FYB1: variants seen among roughly 807,000 people sequenced by gnomAD.
The protein encoded by FYB1 is FYN-binding protein 1.
Under a neutral mutation model 94.1 loss-of-function variants are expected in FYB1, and 41 were observed. That is an observed-to-expected ratio of 0.44 (90% CI 0.34 to 0.57). The LOEUF is 0.57. FYB1 is among the 20% of genes least tolerant of loss of function. FYB1 has a pLI of 0.02. For synonymous variants in FYB1, 367 were observed against 353.2 expected (o/e 1.04, Z -0.44); for missense variants, 1,050 against 976.8 (o/e 1.07, Z -1.00).
chr5:39,226,850 G>C (rs1750492892), intron 1 of FYB1, among the ~76,000 whole-genome samples: 1 of 152,186 alleles, frequency 6.6e-6, no homozygotes, highest in African/African-American at 2.4e-5. Context: ...ATCATTCTTA[G>C]AGTTTAGTGC....
chr5:39,202,448 G>C lies in FYB1; in HGVS notation c.513C>G (p.Pro171=). Residue 171 remains proline, a synonymous_variant, in exon 2 of 19, where the codon CCC becomes CCG. Coordinates refer to ENST00000512982, the MANE Select transcript of FYB1 (RefSeq NM_001465.6). ...ATTTCCCTTTAACCCCAGTCAATTT[G>C]GGAAACGCTTGCTTCTGTTCATTTT... ...TSENEQKQAF[P]KLTGVKGKFM... 6.2e-7 allele frequency: 1 copy of C among 1,613,836 alleles called. No homozygotes were observed.
chr5:39,185,613 T>TATATATACACAC (rs1554034801), intron 2 of FYB1, among the ~76,000 whole-genome samples: 3 of 145,940 alleles, frequency 2.1e-5, no homozygotes, highest in African/African-American at 7.7e-5. Context: ...TATACACATA[T>TATATATACACAC]ATATATATAC....
intron 3 of FYB1, among the ~76,000 whole-genome samples, chr5:39,149,458 T>C (rs1207387157): frequency 1.3e-5 from 2 of 152,200 alleles, no homozygotes; most frequent in Non-Finnish European, 2.9e-5. Flanking sequence ...TTTTCCCTCT[T>C]GACTGGATCT....
chr5:39,194,235 C>T (rs1187712342), intron 2 of FYB1, among the ~76,000 whole-genome samples: 6 of 152,076 alleles, frequency 3.9e-5, no homozygotes, highest in African/African-American at 7.2e-5. Context: ...AAAAATGAAA[C>T]ATTAGCTGGG....
chr5:39,242,646 T>C (rs1751265790), intron 1 of FYB1, among the ~76,000 whole-genome samples: 1 of 152,126 alleles, frequency 6.6e-6, no homozygotes, highest in Non-Finnish European at 1.5e-5. Context: ...ATCCTTTGGG[T>C]ATATACCCAG....
chr5:39,259,075 CT>C (rs200912902), intron 1 of FYB1, among the ~76,000 whole-genome samples: 1,663 of 152,278 alleles, frequency 0.011, 31 homozygotes, highest in African/African-American at 0.036. Flanking sequence ...ATTTTGCCCC[CT>C]CACACCACCA....
intron 3 of FYB1, among the ~76,000 whole-genome samples, chr5:39,142,742 G>A (rs1294890861): frequency 2.0e-5 from 3 of 152,078 alleles, no homozygotes; most frequent in East Asian, 1.9e-4. Flanking sequence ...TTTCTTTCCC[G>A]ACTGCAATCT....
intron 16 of FYB1, among the ~76,000 whole-genome samples, chr5:39,117,222 G>A (rs550418450): frequency 1.3e-5 from 2 of 152,004 alleles, no homozygotes; most frequent in African/African-American, 4.8e-5. Flanking sequence ...TTATAACATG[G>A]CTATAAATCC....
At chr5:39,242,130 T>A (rs1751237628) in intron 1 of FYB1, among the ~76,000 whole-genome samples, 1 of 152,022 alleles carries the variant, frequency 6.6e-6, no homozygotes, top group Non-Finnish European at 1.5e-5. Context: ...TCAATCTATT[T>A]TAACAATTTT....
intron 1 of FYB1, among the ~76,000 whole-genome samples, chr5:39,260,556 T>C (rs155382): frequency 0.37 from 55,705 of 152,014 alleles, 11,366 homozygotes; most frequent in East Asian, 0.56. Flanking sequence ...TTAAAGGAGG[T>C]GACAATTTTA....
intron 3 of FYB1, among the ~76,000 whole-genome samples, chr5:39,142,198 ACT>A (rs1742253120): frequency 6.6e-6 from 1 of 151,314 alleles, no homozygotes; most frequent in South Asian, 2.1e-4. Context: ...CAATCCCATC[ACT>A]CTTTTTTGTG....
chr5:39,156,766 T>TAGTCATTA (rs1743800866), intron 2 of FYB1, among the ~76,000 whole-genome samples: 1 of 152,204 alleles, frequency 6.6e-6, no homozygotes, highest in Non-Finnish European at 1.5e-5. Context: ...GTCTAACGAT[T>TAGTCATTA]GACATTAGAG....
rs201460333 is a variant in FYB1, at chr5:39,107,432, A to G, written c.*11T>C. ...ACCTAATGAACACAGCAGAATGACC[A>G]AAGTTGAGTGCTAGTCATTGTCATA... On this transcript the variant is annotated 3_prime_UTR_variant, in exon 19 of 19. Transcript: ENST00000512982. 2 of 1,529,930 alleles carry G rather than the reference A, an allele frequency of 1.3e-6. No individual in the cohort carries two copies. Among genetic ancestry groups the G allele is most frequent in the Admixed American group, 2.0e-5 (1 of 50,362 alleles). 94.8% of individuals were successfully genotyped at this position (1,529,930 alleles called of 1,614,324 possible).
Position 39,137,580 on chromosome 5 carries a change from A to G in FYB1, c.1515+20T>C, listed in dbSNP as rs774394197. 8.5e-6 allele frequency: 13 copies of G among 1,534,774 alleles called. No individual in the cohort carries two copies. The East Asian group carries it at 1.7e-4, about 20-fold the overall frequency. The stretch of plus-strand genomic sequence containing the variant: ...ATAAAAAGATGTTATTCTTTCACTC[A>G]TTAGCAAGCAAGCCCTTACTTTAAA... On this transcript the variant is annotated intron_variant, in intron 7 of 18. Transcript: ENST00000512982.
At chr5:39,136,780 T>C (rs967622765) in intron 7 of FYB1, among the ~76,000 whole-genome samples, 3 of 152,228 alleles carry the variant, frequency 2.0e-5, no homozygotes, top group African/African-American at 7.2e-5. Flanking sequence ...GGAAGTTATA[T>C]ATAAATCATT....
At chr5:39,144,036 A>G (rs1026793933) in intron 3 of FYB1, among the ~76,000 whole-genome samples, 2 of 152,226 alleles carry the variant, frequency 1.3e-5, no homozygotes, top group Admixed American at 1.3e-4. Flanking sequence ...AGTAAAAACA[A>G]TTTGTGGAGT....
chr5:39,107,591 C>A, intron 18 of FYB1, 126 bp from the exon 19 acceptor site: 1 of 487,608 alleles, frequency 2.1e-6, no homozygotes, highest in Non-Finnish European at 3.5e-6. Flanking sequence ...AACTGGCTCA[C>A]TTTATAAAAA....
chr5:39,242,141 CT>C (rs560173619), intron 1 of FYB1, among the ~76,000 whole-genome samples: 8 of 151,850 alleles, frequency 5.3e-5, no homozygotes, highest in African/African-American at 1.2e-4. Context: ...TAACAATTTT[CT>C]TTTTTTTATT....
chr5:39,192,173 T>C (rs1747422691), intron 2 of FYB1, among the ~76,000 whole-genome samples: 1 of 152,214 alleles, frequency 6.6e-6, no homozygotes, highest in Non-Finnish European at 1.5e-5. Flanking sequence ...TCTTAGCTAG[T>C]TTTAAACATT....
Sources: allele counts gnomAD v4.1 joint callset (sites outside exome capture counted in the v4.1 genomes callset), GRCh38; gene constraint gnomAD v4.1.1; transcripts MANE v1.5; gene names NCBI Gene and HGNC (gene_info 2026-07-23, HGNC 2026-07-21).